The following CNGB1 variants were observed in gnomAD, a reference collection of about 807,000 sequenced individuals.
CNGB1 encodes the protein cyclic nucleotide-gated channel beta-1.
A neutral mutation model predicts 151.7 loss-of-function variants in CNGB1; 126 were observed. That is an observed-to-expected ratio of 0.83 (90% CI 0.72 to 0.96). CNGB1 has a LOEUF of 0.96. CNGB1 is among the 40% of genes least tolerant of loss of function. CNGB1 has a pLI of 0.00. For synonymous variants in CNGB1, 623 were observed against 635.1 expected, an observed-to-expected ratio of 0.98 and a Z score of 0.29; for missense variants, 1,698 against 1,627.0, an observed-to-expected ratio of 1.04 and a Z score of -0.75.
Position 57,920,529 on chromosome 16 carries a change from C to T in CNGB1, c.1659G>A (p.Ala553=), listed in dbSNP as rs368827832. The part of the protein sequence containing the change: ...TPKDTDGQDR[A]ASTASTNSAI... The stretch of plus-strand genomic sequence containing the variant: ...CGCTATTTGTGCTGGCCGTGGAGGC[C>T]GCACGGTCCTGGCCACTGTGGGAAC... The change falls in exon 19 of 33, where the codon GCG becomes GCA. Residue 553 remains alanine (A), a synonymous_variant. Transcript: ENST00000251102. 202 of 1,613,338 alleles carry T rather than the reference C, an allele frequency of 1.3e-4. 5 individuals carry two copies. The South Asian group carries it at 1.9e-3, about 15-fold the overall frequency.
At chr16:57,914,693 C>A (rs1276494959) in intron 23 of CNGB1, among the ~76,000 whole-genome samples, 1 of 152,162 alleles carries the variant, frequency 6.6e-6, no homozygotes, top group Non-Finnish European at 1.5e-5. Flanking sequence ...TTTCGCTCTG[C>A]CCAGTGAGTG....
intron 2 of CNGB1, among the ~76,000 whole-genome samples, chr16:57,965,740 A>G (rs1159332416): frequency 1.3e-5 from 2 of 152,218 alleles, no homozygotes; most frequent in African/African-American, 2.4e-5. Flanking sequence ...AGACACATAC[A>G]CACACATACA....
rs756806434 is a variant in CNGB1 at position 57,897,496 on chromosome 16, G to GCCAC, written c.3139_3142dup (p.Ala1048GlyfsTer13). ...GATGAAGAGGTTGGTAAACCCGTGC[G>GCCAC]CCACCACGTTGGCCGTGCGCCGGTT... On this transcript the variant is annotated frameshift_variant, in exon 31 of 33. Coordinates refer to ENST00000251102, the MANE Select transcript of CNGB1 (RefSeq NM_001297.5). LOFTEE classifies it high-confidence loss of function. 8.9e-5 allele frequency: 144 copies of GCCAC among 1,613,922 alleles called. No individual in the cohort carries two copies. Among genetic ancestry groups the GCCAC allele is most frequent in the Non-Finnish European group, 1.2e-4 (136 of 1,179,976 alleles).
intron 31 of CNGB1, among the ~76,000 whole-genome samples, chr16:57,891,178 GGA>G (rs1960079933): frequency 6.6e-6 from 1 of 152,196 alleles, no homozygotes; most frequent in African/African-American, 2.4e-5. Flanking sequence ...GAGAGGGTGG[GGA>G]GACCTGGTAC....
chr16:57,940,533 G>A (rs1961642819), intron 14 of CNGB1, among the ~76,000 whole-genome samples: 1 of 152,186 alleles, frequency 6.6e-6, no homozygotes, highest in Non-Finnish European at 1.5e-5. Flanking sequence ...TGAAGGACAT[G>A]CCACAACTCT....
At chr16:57,954,806 T>A in intron 12 of CNGB1, 1 of 990,118 alleles carries the variant, frequency 1.0e-6, no homozygotes, top group South Asian at 4.6e-5. Flanking sequence ...AACTGTATCC[T>A]GTCGAGGTGC....
chr16:57,905,850 T>C (rs968849837), intron 25 of CNGB1, among the ~76,000 whole-genome samples: 7 of 152,268 alleles, frequency 4.6e-5, no homozygotes, highest in Non-Finnish European at 1.0e-4. Flanking sequence ...AGCACCTTGA[T>C]CTTGGACTTC....
At chr16:57,960,383 G>C in intron 9 of CNGB1, 99 bp downstream of exon 9, 1 of 1,462,432 alleles carries the variant, frequency 6.8e-7, no homozygotes, top group South Asian at 1.2e-5. Context: ...TCTGGGTGGG[G>C]GCTAAGGGCC....
Position 57,904,881 on chromosome 16 carries a change from G to C in CNGB1, c.2493-6C>G. ...AGTAGTAACAGCGAATATAACTGGA[G>C]AGAGAGGAGAAAGGGAACATGGGTC... On this transcript the variant is annotated splice_region_variant and splice_polypyrimidine_tract_variant and intron_variant, in intron 25 of 32. Coordinates refer to ENST00000251102, the MANE Select transcript of CNGB1 (RefSeq NM_001297.5). 6.2e-7 allele frequency: 1 copy of C among 1,614,202 alleles called. No individual in the cohort carries two copies. Among genetic ancestry groups the C allele is most frequent in the Non-Finnish European group, 8.5e-7 (1 of 1,180,044 alleles).
chr16:57,904,598 G>C, intron 26 of CNGB1, 136 bp downstream of exon 26: 3 of 1,231,054 alleles, frequency 2.4e-6, no homozygotes, highest in East Asian at 4.7e-5. Flanking sequence ...AGTGCTCCAG[G>C]CTCCTGACTC....
At chr16:57,940,937 G>A (rs73545160) in intron 14 of CNGB1, among the ~76,000 whole-genome samples, 7,853 of 152,132 alleles carry the variant, frequency 0.052, 267 homozygotes, top group South Asian at 0.096. Context: ...CCAGGGGTGA[G>A]GGTGCAGTGG....
chr16:57,908,802 C>A (rs551052429), intron 25 of CNGB1, among the ~76,000 whole-genome samples: 3 of 152,162 alleles, frequency 2.0e-5, no homozygotes, highest in Non-Finnish European at 4.4e-5. Flanking sequence ...GTCAAGCCAC[C>A]GGTTGGCCTG....
chr16:57,892,389 C>T (rs1179250151), intron 31 of CNGB1, among the ~76,000 whole-genome samples: 1 of 152,062 alleles, frequency 6.6e-6, no homozygotes, highest in African/African-American at 2.4e-5. Flanking sequence ...TGGTGGGGAA[C>T]GTGGGGAGAT....
intron 2 of CNGB1, among the ~76,000 whole-genome samples, chr16:57,965,397 A>G (rs1426420750): frequency 6.6e-6 from 1 of 152,264 alleles, no homozygotes; most frequent in African/African-American, 2.4e-5. Flanking sequence ...ACAGATACAT[A>G]CATGCGTATA....
chr16:57,937,190 C>T (rs151014872), intron 16 of CNGB1: 66 of 152,796 alleles, frequency 4.3e-4, no homozygotes, highest in Non-Finnish European at 7.0e-4. Flanking sequence ...GATTGGGATG[C>T]GGTAGCTGGG....
chr16:57,890,009 C>T (rs1960042739), intron 31 of CNGB1, among the ~76,000 whole-genome samples: 1 of 152,104 alleles, frequency 6.6e-6, no homozygotes, highest in Non-Finnish European at 1.5e-5. Context: ...ATGGCATGTA[C>T]CACCCTGTTT....
chr16:57,906,411 C>T (rs1410717563), intron 25 of CNGB1, among the ~76,000 whole-genome samples: 2 of 152,172 alleles, frequency 1.3e-5, no homozygotes, highest in South Asian at 2.1e-4. Flanking sequence ...CCTCAAGAAG[C>T]TCGTGGTCCA....
intron 15 of CNGB1, 118 bp downstream of exon 15, chr16:57,940,115 TG>T: frequency 1.0e-6 from 1 of 984,326 alleles, no homozygotes; most frequent in Non-Finnish European, 1.6e-6. Flanking sequence ...CTGCTCCCTC[TG>T]TCCTGCGGGC....
At chr16:57,964,912 G>GCAC (rs1355977441) in intron 2 of CNGB1, among the ~76,000 whole-genome samples, 1 of 152,154 alleles carries the variant, frequency 6.6e-6, no homozygotes, top group Non-Finnish European at 1.5e-5. Context: ...AGGGAGGTGA[G>GCAC]AGGAGCCCAC....
Sources: allele counts gnomAD v4.1 joint callset (sites outside exome capture counted in the v4.1 genomes callset), GRCh38; gene constraint gnomAD v4.1.1; transcripts MANE v1.5; gene names NCBI Gene and HGNC (gene_info 2026-07-23, HGNC 2026-07-21).